CCDC77: variants seen among roughly 807,000 people sequenced by gnomAD.
CCDC77 encodes the protein coiled-coil domain-containing protein 77.
In CCDC77, 56 loss-of-function variants were observed where a neutral mutation model predicts 66.8. The ratio of observed to expected loss-of-function variants is 0.84; its 90% CI spans 0.68 to 1.05. The LOEUF (loss-of-function observed/expected upper bound fraction) is 1.05. Ranked by LOEUF, CCDC77 falls within the 50% of genes least tolerant of loss-of-function variation. The pLI, the probability that CCDC77 is intolerant of heterozygous loss-of-function variation, is 0.00. For synonymous variants in CCDC77, 196 were observed against 195.2 expected (o/e 1.00, Z -0.03); for missense variants, 570 against 576.8 (o/e 0.99, Z 0.12).
intron 2 of CCDC77, among the ~76,000 whole-genome samples, chr12:405,826 T>C (rs888674585): frequency 1.3e-5 from 2 of 151,930 alleles, no homozygotes; most frequent in African/African-American, 4.8e-5. Context: ...GCAGTGAACA[T>C]AATAGATAAA....
rs765139484 is a variant in CCDC77, at chr12:431,865, G to T, written c.584-1G>T. On this transcript the variant is annotated splice_acceptor_variant, in intron 7 of 12. Transcript: ENST00000239830. LOFTEE classifies it high-confidence loss of function. ...TTGATGGATTTTGTTTTCTATTTTA[G>T]ATCCTAAAATAAGCAAAAGAAGACC... is the stretch of plus-strand genomic sequence containing the variant. 1 of 1,591,124 alleles carries T rather than the reference G, an allele frequency of 6.3e-7. No individual in the cohort carries two copies. Among genetic ancestry groups the T allele is most frequent in the Admixed American group, 1.8e-5 (1 of 56,184 alleles).
intron 5 of CCDC77, among the ~76,000 whole-genome samples, chr12:423,494 G>GTTTTTTTTTTTTTTTTTTTTTT (rs56233976): frequency 2.8e-5 from 1 of 35,420 alleles, no homozygotes; most frequent in Non-Finnish European, 5.1e-5. Flanking sequence ...TTTTTGTTTT[G>GTTTTTTTTTTTTTTTTTTTTTT]TTTTTTTTTT....
At chr12:415,299 C>CATAATATTATGTTAATATTATT (rs1565567788) in intron 4 of CCDC77, among the ~76,000 whole-genome samples, 9 of 109,826 alleles carry the variant, frequency 8.2e-5, no homozygotes, top group South Asian at 2.6e-4. Flanking sequence ...TTAATATAAT[C>CATAATATTATGTTAATATTATT]AACATAATAT....
At chr12:425,857 TTTTGTTTG>T (rs941610317) in intron 5 of CCDC77, among the ~76,000 whole-genome samples, 8 of 151,970 alleles carry the variant, frequency 5.3e-5, no homozygotes, top group African/African-American at 1.5e-4. Context: ...TTTTTTTTGT[TTTTGTTTG>T]TTTGTTTGTT....
rs1370998155 is a variant in CCDC77 at position 430,694 on chromosome 12, G to A, written c.541G>A (p.Val181Ile). 3.7e-6 allele frequency: 6 copies of A among 1,613,986 alleles called. No individual in the cohort carries two copies. The highest frequency in any genetic ancestry group is 1.7e-5 in the Admixed American group (1 of 60,024). The stretch of plus-strand genomic sequence containing the variant: ...CATTCTCCAAAAGACTATCCAGGCT[G>A]TAGGTGAATGTGAGCAGAGTGAATC... ...VTILQKTIQA[V>I]GECEQSESSA... The change falls in exon 7 of 13, where the codon GTA becomes ATA. Residue 181 changes from valine to isoleucine, a missense_variant. Physicochemically the swap from Val to Ile is conservative, Grantham distance 29 (BLOSUM62 3). Coordinates refer to ENST00000239830, the MANE Select transcript of CCDC77 (RefSeq NM_032358.4).
rs1332409206 is a variant in CCDC77 at position 442,105 on chromosome 12, A to C, written c.*185A>C. On this transcript the variant is annotated 3_prime_UTR_variant, in exon 13 of 13. Coordinates refer to ENST00000239830, the MANE Select transcript of CCDC77 (RefSeq NM_032358.4). ...TTTTCTTGCATACTCAGCTTGCTTT[A>C]TCATTTTTGCTGTCCTTTTAACACT... 1.6e-6 allele frequency: 1 copy of C among 631,212 alleles called. No homozygotes were observed. Among genetic ancestry groups the C allele is most frequent in the Admixed American group, 2.8e-5 (1 of 36,188 alleles). The allele number at this position is 631,212 out of a possible 1,614,324, so 39.1% of individuals were successfully genotyped here.
At chr12:407,819 G>T (rs891940308) in intron 2 of CCDC77, among the ~76,000 whole-genome samples, 1 of 113,160 alleles carries the variant, frequency 8.8e-6, no homozygotes, top group East Asian at 2.9e-4. Flanking sequence ...ACGGAGTCTC[G>T]CTCTGTTGCC....
In CCDC77 at chr12:424,017, C is replaced by T. The variant is rs185890346; in HGVS notation, c.414-4752C>T. Among the ~76,000 whole-genome samples the T allele has an allele frequency of 5.1e-3, 771 of 152,226 alleles. 4 individuals carry two copies. Among genetic ancestry groups the T allele is most frequent in the African/African-American group, 0.018 (737 of 41,544 alleles). The stretch of plus-strand genomic sequence containing the variant: ...TTGTTGAGACAGGGTCTTGCTCTGT[C>T]GCCCAGGCAGTGGCGTGATCACGGC... On this transcript the variant is annotated intron_variant, in intron 5 of 12. Coordinates refer to ENST00000239830, the MANE Select transcript of CCDC77 (RefSeq NM_032358.4).
chr12:424,051 A>G (rs1341481316), intron 5 of CCDC77, among the ~76,000 whole-genome samples: 1 of 152,096 alleles, frequency 6.6e-6, no homozygotes, highest in Non-Finnish European at 1.5e-5. Flanking sequence ...GCTCACTGCA[A>G]CCTTTGTCTG....
chr12:423,132 T>TTTC (rs1945441394), intron 5 of CCDC77, among the ~76,000 whole-genome samples: 4 of 117,334 alleles, frequency 3.4e-5, no homozygotes, highest in Non-Finnish European at 7.2e-5. Context: ...TTTTTTTTTT[T>TTTC]TTTTTTGAGA....
At chr12:416,397 A>ATATATG (rs1555144602) in intron 4 of CCDC77, among the ~76,000 whole-genome samples, 2 of 47,924 alleles carry the variant, frequency 4.2e-5, no homozygotes, top group Admixed American at 3.2e-4. Flanking sequence ...ATATATATAT[A>ATATATG]TATATATATA....
chr12:442,065 G>A lies in CCDC77; in HGVS notation c.*145G>A. ...TGTAAAGACAGCTTGAAGAATCGGG[G>A]ACCACTAGGAAAGCTTTTCTTGCAT... On this transcript the variant is annotated 3_prime_UTR_variant, in exon 13 of 13. Transcript: ENST00000239830. The A allele has an allele frequency of 2.4e-6, 2 of 838,894 alleles. No individual in the cohort carries two copies. Among genetic ancestry groups the A allele is most frequent in the Non-Finnish European group, 3.7e-6 (2 of 534,572 alleles). The allele number at this position is 838,894 out of a possible 1,614,324, so 52.0% of individuals were successfully genotyped here.
intron 4 of CCDC77, among the ~76,000 whole-genome samples, chr12:412,241 CTTT>C (rs922503323): frequency 3.9e-5 from 6 of 152,170 alleles, no homozygotes; most frequent in East Asian, 1.9e-4. Context: ...TCCTTAACTT[CTTT>C]GTTACCTCCA....
chr12:419,440 G>T (rs1173547010), intron 5 of CCDC77, among the ~76,000 whole-genome samples: 1 of 148,376 alleles, frequency 6.7e-6, no homozygotes, highest in Non-Finnish European at 1.5e-5. Flanking sequence ...CTGTGTGTGT[G>T]TGCTGGGAGT....
chr12:417,284 C>A (rs1242467488), intron 4 of CCDC77, among the ~76,000 whole-genome samples: 1 of 152,158 alleles, frequency 6.6e-6, no homozygotes, highest in Non-Finnish European at 1.5e-5. Context: ...TCCTTTCTGA[C>A]AACATCAGGC....
rs1335416328 is a variant in CCDC77 at position 428,459 on chromosome 12, C to T, written c.414-310C>T. On this transcript the variant is annotated intron_variant, in intron 5 of 12. Coordinates refer to ENST00000239830, the MANE Select transcript of CCDC77 (RefSeq NM_032358.4). The stretch of plus-strand genomic sequence containing the variant: ...CCGGCAGGCGGAGGTTGCAGTGAGC[C>T]AAGACCGCACCATTGCACTCCAGCC... 4.2e-5 allele frequency among the ~76,000 whole-genome samples: 6 copies of T among 142,322 alleles called. No homozygotes were observed. The South Asian group carries it at 1.1e-3, about 26-fold the overall frequency. The allele number at this position is 142,322 out of a possible 152,430, so 93.4% of individuals were successfully genotyped here.
intron 1 of CCDC77, chr12:395,213 G>C (rs1317532776): frequency 1.3e-5 from 2 of 152,234 alleles, no homozygotes; most frequent in Non-Finnish European, 2.9e-5. Context: ...TGAGTAGCTA[G>C]GACTACAGGT....
At chr12:397,109 C>T (rs1432557115), upstream of CCDC77, among the ~76,000 whole-genome samples, 1 of 151,894 alleles carries the variant, frequency 6.6e-6, no homozygotes, top group Non-Finnish European at 1.5e-5. Flanking sequence ...AGATGGGGCT[C>T]ATGCCTGTAA....
chr12:389,548 A>AGGCGGGGCGAGG lies in CCDC77; in HGVS notation c.-113+62_-113+63insGGCGGGGCGAGG, dbSNP rs1555141763. ...TAGAGGTACGGATTGAGGGAAGCCG[A>AGGCGGGGCGAGG]CGGGGCGAGGCGGGGCGAGGCGCAA... On this transcript the variant is annotated intron_variant, in intron 1 of 11. Coordinates refer to the CCDC77 transcript ENST00000422000. 3.1e-3 allele frequency: 75 copies of AGGCGGGGCGAGG among 24,336 alleles called. 1 individual carries two copies. The highest frequency in any genetic ancestry group is 0.025 in the African/African-American group (65 of 2,648). 1.5% of individuals were successfully genotyped at this position (24,336 alleles called of 1,614,324 possible).
Sources: gnomAD v4.1 joint callset for allele counts (sites outside exome capture counted in the v4.1 genomes callset) on GRCh38, gnomAD v4.1.1 for gene constraint, MANE v1.5 for transcripts, NCBI Gene and HGNC (gene_info 2026-07-23, HGNC 2026-07-21) for gene names.